The following PCDH1 variants were observed in gnomAD, a reference collection of about 807,000 sequenced individuals.
PCDH1 encodes protocadherin-1.
In PCDH1, 23 loss-of-function variants were observed where a neutral mutation model predicts 74.6. The observed-to-expected ratio is 0.31, with a 90% CI of 0.22 to 0.44. The LOEUF (loss-of-function observed/expected upper bound fraction) is 0.44. Ranked by LOEUF, PCDH1 falls within the 20% of genes least tolerant of loss-of-function variation. PCDH1 has a pLI of 1.00. For missense variants in PCDH1, 1,214 were observed against 1,641.4 expected (o/e 0.74, Z 4.50); for synonymous variants, 647 against 686.1 (o/e 0.94, Z 0.89).
chr5:141,875,445 G>A (rs762502666), intron 1 of PCDH1, among the ~76,000 whole-genome samples: 1 of 151,692 alleles, frequency 6.6e-6, no homozygotes, highest in Non-Finnish European at 1.5e-5. Flanking sequence ...CTCACGGCAG[G>A]GGCAGCCCTC....
Position 141,878,153 on chromosome 5 carries a change from T to C in PCDH1, c.40+70A>G. ...CCTCGCTCCGCCGAGCGCCCCTCCC[T>C]CAGCTCCCGCCGGCCATGACCGCTT... is the stretch of plus-strand genomic sequence containing the variant. On this transcript the variant is annotated intron_variant, in intron 1 of 4. Coordinates refer to ENST00000287008, the MANE Select transcript of PCDH1 (RefSeq NM_032420.5). This position sits in a 1 kb window ranked among gnomAD's most constrained non-coding sequence, Gnocchi z 5.5. 1 of 1,367,086 alleles carries C rather than the reference T, an allele frequency of 7.3e-7. No homozygotes were observed. Among genetic ancestry groups the C allele is most frequent in the Non-Finnish European group, 9.5e-7 (1 of 1,048,386 alleles). 84.7% of individuals were successfully genotyped at this position (1,367,086 alleles called of 1,614,324 possible).
intron 4 of PCDH1, among the ~76,000 whole-genome samples, chr5:141,856,840 C>T (rs1015072947): frequency 2.6e-5 from 4 of 152,190 alleles, no homozygotes; most frequent in Non-Finnish European, 5.9e-5. Flanking sequence ...AGGACCACCA[C>T]CCACCTTCTC....
At chr5:141,859,287 A>C (rs1329513388) in intron 3 of PCDH1, among the ~76,000 whole-genome samples, 1 of 152,190 alleles carries the variant, frequency 6.6e-6, no homozygotes, top group African/African-American at 2.4e-5. Flanking sequence ...CATATCTGGT[A>C]ATTGAAGGCT....
At position 141,878,207 on chromosome 5, in the gene PCDH1, G is replaced by A; in HGVS notation, c.40+16C>T. On this transcript the variant is annotated intron_variant, in intron 1 of 4. Transcript: ENST00000287008. This position sits in a 1 kb window ranked among gnomAD's most constrained non-coding sequence, Gnocchi z 5.5. ...GCCCCAAGCCGCTGCTGCCTCCACC[G>A]CCGCCGGATCCTTACCCGCCTCCGG... The A allele has an allele frequency of 7.0e-7, 1 of 1,427,244 alleles. No individual in the cohort carries two copies. The highest frequency in any genetic ancestry group is 1.4e-5 in the South Asian group (1 of 72,474). The allele number at this position is 1,427,244 out of a possible 1,614,324, so 88.4% of individuals were successfully genotyped here.
At position 141,869,642 on chromosome 5, in the gene PCDH1, G is replaced by A. The variant is rs1250201443; in HGVS notation, c.41-211C>T. On this transcript the variant is annotated intron_variant, in intron 1 of 4. Transcript: ENST00000287008. The surrounding 1 kb of genome is among the most constrained non-coding windows in gnomAD (Gnocchi z 4.9). ...GTAGCAGCAGTGTCTGCCCCAGCTG[G>A]AGGAGCCAGTAAGAGGCCTGGCATG... 1.3e-6 allele frequency: 2 copies of A among 1,533,598 alleles called. No homozygotes were observed. Among genetic ancestry groups the A allele is most frequent in the Non-Finnish European group, 8.7e-7 (1 of 1,146,060 alleles). The allele number at this position is 1,533,598 out of a possible 1,614,324, so 95.0% of individuals were successfully genotyped here.
intron 1 of PCDH1, among the ~76,000 whole-genome samples, chr5:141,873,841 C>T (rs1333640972): frequency 6.6e-6 from 1 of 152,156 alleles, no homozygotes; most frequent in African/African-American, 2.4e-5. Flanking sequence ...TTTATCAGTA[C>T]TAAGCATTTT....
intron 4 of PCDH1, among the ~76,000 whole-genome samples, chr5:141,854,767 G>A (rs1278317751): frequency 2.0e-5 from 3 of 152,034 alleles, no homozygotes; most frequent in Non-Finnish European, 4.4e-5. Flanking sequence ...CACCTCCCGG[G>A]TTCAAGCAAT....
chr5:141,857,745 ACC>A (rs891198528), intron 3 of PCDH1, among the ~76,000 whole-genome samples: 2 of 152,122 alleles, frequency 1.3e-5, no homozygotes, highest in African/African-American at 2.4e-5. Flanking sequence ...CCCCTATGCT[ACC>A]CCAATAACCC....
In PCDH1 at chr5:141,863,041, A is replaced by C; in HGVS notation, c.3099+191T>G. On this transcript the variant is annotated intron_variant, in intron 3 of 4. Coordinates refer to ENST00000287008, the MANE Select transcript of PCDH1 (RefSeq NM_032420.5). The surrounding 1 kb of genome is among the most constrained non-coding windows in gnomAD (Gnocchi z 7.5). ...AGACCACAGAGCACACCCTCCCTTA[A>C]TCTTCACTCAGCCTAATCCGTGTGC... 1 of 1,318,982 alleles carries C rather than the reference A, an allele frequency of 7.6e-7. No homozygotes were observed. The highest frequency in any genetic ancestry group is 2.9e-5 in the South Asian group (1 of 35,032). The allele number at this position is 1,318,982 out of a possible 1,614,324, so 81.7% of individuals were successfully genotyped here.
Position 141,868,487 on chromosome 5 carries a change from G to A in PCDH1, c.903+82C>T. 1 of 1,505,022 alleles carries A rather than the reference G, an allele frequency of 6.6e-7. No homozygotes were observed. Among genetic ancestry groups the A allele is most frequent in the Non-Finnish European group, 8.9e-7 (1 of 1,129,286 alleles). The allele number at this position is 1,505,022 out of a possible 1,614,324, so 93.2% of individuals were successfully genotyped here. A position where few individuals can be genotyped will look rare whatever the true frequency, so the allele number is the denominator to read the frequency against. Reference sequence around the variant, plus strand: ...TATTCTGGCAGTTTTTCCCCTAAGTGAAGGGAACTCTCACCTGGTTGGGTG... The same window carrying A: ...TATTCTGGCAGTTTTTCCCCTAAGTAAAGGGAACTCTCACCTGGTTGGGTG... On this transcript the variant is annotated intron_variant, in intron 2 of 4. Transcript: ENST00000287008. The surrounding 1 kb of genome is among the most constrained non-coding windows in gnomAD (Gnocchi z 4.8).
rs1298906707 is a variant in PCDH1 at position 141,878,275 on chromosome 5, GC to G, written c.-14del. On this transcript the variant is annotated 5_prime_UTR_variant, in exon 1 of 5. Transcript: ENST00000287008. This position sits in a 1 kb window ranked among gnomAD's most constrained non-coding sequence, Gnocchi z 5.5. ...CCCCGCTGTCCATGAGCCGCCGCCG[GC>G]CCCGGCCTGGGCTGCGGCTCCGCAC... 6 of 1,287,626 alleles carry G rather than the reference GC, an allele frequency of 4.7e-6. No individual in the cohort carries two copies. In the South Asian group the frequency reaches 7.0e-5, roughly 15 times the overall value. The allele number at this position is 1,287,626 out of a possible 1,614,324, so 79.8% of individuals were successfully genotyped here. A position where few individuals can be genotyped will look rare whatever the true frequency, so the allele number is the denominator to read the frequency against.
In PCDH1 at chr5:141,878,323, TCG is replaced by T; in HGVS notation, c.-63_-62del. On this transcript the variant is annotated 5_prime_UTR_variant, in exon 1 of 5. Transcript: ENST00000287008. This position sits in a 1 kb window ranked among gnomAD's most constrained non-coding sequence, Gnocchi z 5.5. Reference sequence around the variant, plus strand: ...GCACGGCTGGGGCTGGAGCTGCAGTTCGGGCTCCGGCTCCGGCTCCGGCTGGC... The same window carrying T: ...GCACGGCTGGGGCTGGAGCTGCAGTTGGCTCCGGCTCCGGCTCCGGCTGGC... The T allele has an allele frequency of 8.6e-7, 1 of 1,166,190 alleles. No individual in the cohort carries two copies. The highest frequency in any genetic ancestry group is 1.1e-6 in the Non-Finnish European group (1 of 939,662). 72.2% of individuals were successfully genotyped at this position (1,166,190 alleles called of 1,614,324 possible). A position where few individuals can be genotyped will look rare whatever the true frequency, so the allele number is the denominator to read the frequency against.
In PCDH1 at chr5:141,878,303, G is replaced by A; in HGVS notation, c.-41C>T. The stretch of plus-strand genomic sequence containing the variant: ...CCGGCCTGGGCTGCGGCTCCGCACG[G>A]CTGGGGCTGGAGCTGCAGTTCGGGC... On this transcript the variant is annotated 5_prime_UTR_variant, in exon 1 of 5. Coordinates refer to ENST00000287008, the MANE Select transcript of PCDH1 (RefSeq NM_032420.5). This position sits in a 1 kb window ranked among gnomAD's most constrained non-coding sequence, Gnocchi z 5.5. The A allele has an allele frequency of 8.2e-7, 1 of 1,220,056 alleles. No individual in the cohort carries two copies. The highest frequency in any genetic ancestry group is 1.0e-6 in the Non-Finnish European group (1 of 980,800). The allele number at this position is 1,220,056 out of a possible 1,614,324, so 75.6% of individuals were successfully genotyped here. A position where few individuals can be genotyped will look rare whatever the true frequency, so the allele number is the denominator to read the frequency against.
rs775512498 is a variant in PCDH1, at chr5:141,858,518, G to T, written c.3100-1047C>A. Among the ~76,000 whole-genome samples the T allele has an allele frequency of 4.1e-4, 63 of 152,160 alleles. 1 individual carries two copies. The highest frequency in any genetic ancestry group is 4.1e-3 in the Admixed American group (63 of 15,268). ...TTGGAGGCTTGGACTGGGGACTGGG[G>T]GTCGGGGGAGTGGAACCGTGACAGG... On this transcript the variant is annotated intron_variant, in intron 3 of 4. Transcript: ENST00000287008.
chr5:141,863,283 C>T lies in PCDH1; in HGVS notation c.3048G>A (p.Gln1016=), dbSNP rs1159598625. Reference sequence around the variant, plus strand: ...TGGTGCGGTAGCTGTAGTCGGAGTACTGCTCAGAGCCCGTGGACGTGGTGT... The same window carrying T: ...TGGTGCGGTAGCTGTAGTCGGAGTATTGCTCAGAGCCCGTGGACGTGGTGT... ...TGDTTSTGSE[Q]YSDYSYRTNP... is the part of the protein sequence containing the mutation. The change falls in exon 3 of 5, where the codon CAG becomes CAA. Residue 1016 remains glutamine, a synonymous_variant. Transcript: ENST00000287008. The surrounding 1 kb of genome is among the most constrained non-coding windows in gnomAD (Gnocchi z 7.5). 6.3e-7 allele frequency: 1 copy of T among 1,588,870 alleles called. No individual in the cohort carries two copies. The highest frequency in any genetic ancestry group is 1.3e-5 in the African/African-American group (1 of 74,322).
chr5:141,857,219 C>T (rs779725850), intron 4 of PCDH1, 33 bp downstream of exon 4: 8 of 1,504,664 alleles, frequency 5.3e-6, no homozygotes, highest in South Asian at 1.3e-5. Context: ...CCACTCATTC[C>T]TGGGGTGCCC....
intron 4 of PCDH1, among the ~76,000 whole-genome samples, chr5:141,855,516 T>C (rs1216555511): frequency 1.3e-5 from 2 of 152,076 alleles, no homozygotes; most frequent in African/African-American, 4.8e-5. Context: ...TAGGCATGGA[T>C]ACACAAATCT....
At chr5:141,876,989 G>C (rs749013889) in intron 1 of PCDH1, among the ~76,000 whole-genome samples, 41 of 152,270 alleles carry the variant, frequency 2.7e-4, no homozygotes, top group Non-Finnish European at 4.8e-4. Context: ...GCCCGGGAGT[G>C]GGGGTTGGGG....
Position 141,857,368 on chromosome 5 carries a change from G to A in PCDH1, c.3203C>T (p.Thr1068Met). Residue 1068 changes from threonine to methionine, a missense_variant, in exon 4 of 5, where the codon ACG (threonine) becomes ATG (methionine). Physicochemically the swap from Thr to Met is moderately conservative, Grantham distance 81. Coordinates refer to ENST00000287008, the MANE Select transcript of PCDH1 (RefSeq NM_032420.5). ...CCCTGAGGATGACTTGCTGGACGGC[G>A]TCTCAGACTCCTCCAGGCCACTGTC... ...YYDSGLEESE[T>M]PSSKSSSGPR... 1.9e-6 allele frequency: 3 copies of A among 1,614,014 alleles called. No homozygotes were observed. Among genetic ancestry groups the A allele is most frequent in the Non-Finnish European group, 2.5e-6 (3 of 1,179,960 alleles).
Sources: gnomAD v4.1 joint callset for allele counts (sites outside exome capture counted in the v4.1 genomes callset) on GRCh38, gnomAD v4.1.1 for gene constraint, Gnocchi (gnomAD v3.1) non-coding constraint, MANE v1.5 for transcripts, NCBI Gene and HGNC (gene_info 2026-07-23, HGNC 2026-07-21) for gene names.